ZCCHC14: variants seen among roughly 807,000 people sequenced by gnomAD.
ZCCHC14 encodes zinc finger CCHC domain-containing protein 14.
A neutral mutation model predicts 85.0 loss-of-function variants in ZCCHC14; 16 were observed. That is an observed-to-expected ratio of 0.19 (90% CI 0.13 to 0.29). The LOEUF (loss-of-function observed/expected upper bound fraction) is 0.29, where lower values mean the gene tolerates loss of function less well. ZCCHC14 is among the 10% of genes least tolerant of loss of function. The pLI is 1.00. For synonymous variants in ZCCHC14, 775 were observed against 630.7 expected (o/e 1.23, Z -3.43); for missense variants, 1,303 against 1,443.5 (o/e 0.90, Z 1.58).
At chr16:87,481,861 T>A (rs1245171001) in intron 1 of ZCCHC14, among the ~76,000 whole-genome samples, 1 of 152,120 alleles carries the variant, frequency 6.6e-6, no homozygotes, top group Non-Finnish European at 1.5e-5. Context: ...AAAAGAAATG[T>A]ATTTCTTACA....
chr16:87,421,232 G>A (rs890393213), intron 4 of ZCCHC14, among the ~76,000 whole-genome samples: 8 of 152,212 alleles, frequency 5.3e-5, no homozygotes, highest in African/African-American at 1.7e-4. Flanking sequence ...CGGGCACCAG[G>A]CCTAGTGCAA....
intron 7 of ZCCHC14, 145 bp downstream of exon 7, chr16:87,418,702 A>C (rs1908927994): frequency 1.2e-6 from 1 of 864,576 alleles, no homozygotes; most frequent in Non-Finnish European, 1.8e-6. Context: ...TCGTAAATTC[A>C]ATCATCTCTA....
intron 1 of ZCCHC14, among the ~76,000 whole-genome samples, chr16:87,474,625 G>A (rs898959139): frequency 6.6e-6 from 1 of 152,176 alleles, no homozygotes; most frequent in Non-Finnish European, 1.5e-5. Context: ...AGCACTGCAC[G>A]GGTTTCTTGT....
rs983791174 is a variant in ZCCHC14, at chr16:87,417,041, T to C, written c.1383+419A>G. Among the ~76,000 whole-genome samples, 16 of 152,254 alleles carry C rather than the reference T, an allele frequency of 1.1e-4. No individual in the cohort carries two copies. The East Asian group carries it at 3.1e-3, about 29-fold the overall frequency. On this transcript the variant is annotated intron_variant, in intron 8 of 12. Coordinates refer to ENST00000671377, the MANE Select transcript of ZCCHC14 (RefSeq NM_015144.3). ...GTGAAAAAATGTTCCTCATAAGAAT[T>C]CTCTAGGTACGACTGCTTGGAAGAT...
chr16:87,488,896 T>C (rs558602297), intron 1 of ZCCHC14, among the ~76,000 whole-genome samples: 2 of 152,232 alleles, frequency 1.3e-5, no homozygotes, highest in East Asian at 1.9e-4. Flanking sequence ...AAAATTCAAA[T>C]TGGATAAAGA....
At chr16:87,463,867 T>G (rs1028330382) in intron 1 of ZCCHC14, among the ~76,000 whole-genome samples, 1 of 151,830 alleles carries the variant, frequency 6.6e-6, no homozygotes, top group African/African-American at 2.4e-5. Flanking sequence ...TCACTCAGGC[T>G]GGAATGCAGT....
intron 1 of ZCCHC14, among the ~76,000 whole-genome samples, chr16:87,488,805 T>C (rs1261232925): frequency 6.6e-6 from 1 of 152,206 alleles, no homozygotes; most frequent in Admixed American, 6.5e-5. Context: ...GTTGAACTCC[T>C]GGGCTCAAGC....
Position 87,481,928 on chromosome 16 carries a change from G to A in ZCCHC14, c.570+9741C>T, listed in dbSNP as rs559386026. ...GCCTGTATCTGCTTAGGGCCTTCCT[G>A]CTAGGACATCCCATGGTGGAAGGCA... On this transcript the variant is annotated intron_variant, in intron 1 of 12. Coordinates refer to ENST00000671377, the MANE Select transcript of ZCCHC14 (RefSeq NM_015144.3). Among the ~76,000 whole-genome samples, 10 of 152,290 alleles carry A rather than the reference G, an allele frequency of 6.6e-5. No individual in the cohort carries two copies. In the South Asian group the frequency reaches 1.9e-3, roughly 28 times the overall value.
At chr16:87,419,977 A>C in intron 5 of ZCCHC14, 100 bp from the exon 6 acceptor site, 1 of 968,136 alleles carries the variant, frequency 1.0e-6, no homozygotes, top group Non-Finnish European at 1.5e-6. Context: ...AATGTGTATT[A>C]GAGGAAAAAA....
intron 8 of ZCCHC14, among the ~76,000 whole-genome samples, chr16:87,415,989 C>A (rs550542835): frequency 6.6e-6 from 1 of 152,038 alleles, no homozygotes; most frequent in Non-Finnish European, 1.5e-5. Context: ...TGCAGTGGTG[C>A]GATCTCGGCT....
At chr16:87,423,463 C>T (rs1487952142) in intron 4 of ZCCHC14, among the ~76,000 whole-genome samples, 1 of 152,232 alleles carries the variant, frequency 6.6e-6, no homozygotes, top group African/African-American at 2.4e-5. Context: ...CACTCAGCCA[C>T]CTGAGCATGC....
chr16:87,447,253 G>A (rs1278248654), intron 2 of ZCCHC14, among the ~76,000 whole-genome samples: 1 of 151,794 alleles, frequency 6.6e-6, no homozygotes, highest in Non-Finnish European at 1.5e-5. Context: ...AGGCAGCCTG[G>A]ACACCTGCCA....
chr16:87,458,734 G>A (rs1032756685), intron 2 of ZCCHC14, among the ~76,000 whole-genome samples: 1 of 152,210 alleles, frequency 6.6e-6, no homozygotes, highest in African/African-American at 2.4e-5. Context: ...GAGCGCACAG[G>A]GTGAGCGAGT....
intron 2 of ZCCHC14, 92 bp downstream of exon 2, chr16:87,459,916 C>T: frequency 6.4e-7 from 1 of 1,551,524 alleles, no homozygotes; most frequent in Non-Finnish European, 8.8e-7. Context: ...TATGAAAGAT[C>T]TGAAAGCATT....
chr16:87,477,120 C>CAAAAAAAAAAA lies in ZCCHC14; in HGVS notation c.570+14538_570+14548dup, dbSNP rs769416913. Among the ~76,000 whole-genome samples the CAAAAAAAAAAA allele has an allele frequency of 3.5e-3, 141 of 39,794 alleles. 3 individuals carry two copies. In the Middle Eastern group the frequency reaches 0.05, roughly 14 times the overall value. The allele number at this position is 39,794 out of a possible 152,430, so 26.1% of individuals were successfully genotyped here. On this transcript the variant is annotated intron_variant, in intron 1 of 12. Transcript: ENST00000671377. The stretch of plus-strand genomic sequence containing the variant: ...AGCCTGACAGAGAGAGACTCAGTCT[C>CAAAAAAAAAAA]AAAAAAAAAAAAAAAAAAAAACAAA...
intron 3 of ZCCHC14, among the ~76,000 whole-genome samples, chr16:87,430,870 G>T (rs974315148): frequency 1.3e-5 from 2 of 152,134 alleles, no homozygotes; most frequent in African/African-American, 4.8e-5. Flanking sequence ...CTGGCCAGGT[G>T]CACTCATGCC....
At chr16:87,460,901 G>C (rs1296875897) in intron 1 of ZCCHC14, among the ~76,000 whole-genome samples, 2 of 152,134 alleles carry the variant, frequency 1.3e-5, no homozygotes, top group Non-Finnish European at 2.9e-5. Context: ...GGTCTATTTG[G>C]GGTACAGTTT....
chr16:87,462,717 G>A (rs1269401246), intron 1 of ZCCHC14, among the ~76,000 whole-genome samples: 2 of 150,630 alleles, frequency 1.3e-5, no homozygotes, highest in East Asian at 3.9e-4. Context: ...TCCAGCCTGG[G>A]CGACAGAGAC....
At chr16:87,441,173 T>C (rs1910166727) in intron 2 of ZCCHC14, among the ~76,000 whole-genome samples, 1 of 152,158 alleles carries the variant, frequency 6.6e-6, no homozygotes, top group Non-Finnish European at 1.5e-5. Flanking sequence ...TTTGTATTTT[T>C]AGTAGACACT....
Sources: gnomAD v4.1 joint callset for allele counts (sites outside exome capture counted in the v4.1 genomes callset) on GRCh38, gnomAD v4.1.1 for gene constraint, MANE v1.5 for transcripts, NCBI Gene and HGNC (gene_info 2026-07-23, HGNC 2026-07-21) for gene names.